DMRT1: variants seen among roughly 807,000 people sequenced by gnomAD.
The protein encoded by DMRT1 is doublesex- and mab-3-related transcription factor 1.
A neutral mutation model predicts 32.3 loss-of-function variants in DMRT1; 7 were observed. That is an observed-to-expected ratio of 0.22 (90% CI 0.12 to 0.41). The LOEUF (loss-of-function observed/expected upper bound fraction) is 0.41, where lower values mean the gene tolerates loss of function less well. DMRT1 is among the 10% of genes least tolerant of loss of function. The probability of loss-of-function intolerance (pLI) is 1.00; values close to 1 mark genes in which losing one functional copy is unlikely to be tolerated. For missense variants in DMRT1, 625 were observed against 500.5 expected, an observed-to-expected ratio of 1.25 and a Z score of -2.37; for synonymous variants, 278 against 206.1, an observed-to-expected ratio of 1.35 and a Z score of -2.99.
At chr9:844,714 TC>T (rs1838827235) in intron 1 of DMRT1, among the ~76,000 whole-genome samples, 1 of 143,666 alleles carries the variant, frequency 7.0e-6, no homozygotes, top group Non-Finnish European at 1.5e-5. Context: ...TTTCTTTCTT[TC>T]TTTCTTTTTT....
intron 2 of DMRT1, among the ~76,000 whole-genome samples, chr9:869,978 C>T (rs964492710): frequency 6.6e-6 from 1 of 152,158 alleles, no homozygotes; most frequent in Non-Finnish European, 1.5e-5. Flanking sequence ...TGTAAAAATA[C>T]GGCCCTGGAG....
intron 2 of DMRT1, among the ~76,000 whole-genome samples, chr9:856,388 C>G (rs1268617456): frequency 2.0e-5 from 3 of 152,082 alleles, no homozygotes; most frequent in Non-Finnish European, 2.9e-5. Flanking sequence ...TTCAGTCACT[C>G]CCCATGTACT....
intron 3 of DMRT1, among the ~76,000 whole-genome samples, chr9:914,222 G>C (rs1039772982): frequency 1.5e-4 from 23 of 152,118 alleles, no homozygotes; most frequent in African/African-American, 4.8e-4. Context: ...ATTAGGGGTA[G>C]CCAGTTTTTC....
At chr9:966,600 G>C (rs1300121625) in intron 4 of DMRT1, among the ~76,000 whole-genome samples, 2 of 152,094 alleles carry the variant, frequency 1.3e-5, no homozygotes, top group African/African-American at 2.4e-5. Context: ...TGGAAGAAGG[G>C]GGCCTTCTGA....
chr9:854,783 T>TTTTG (rs71327347), intron 2 of DMRT1, among the ~76,000 whole-genome samples: 1 of 134,676 alleles, frequency 7.4e-6, no homozygotes, highest in African/African-American at 2.8e-5. Flanking sequence ...TTTTTTTTTT[T>TTTTG]GAAACAGAGT....
At chr9:883,766 T>C (rs1816822774) in intron 2 of DMRT1, among the ~76,000 whole-genome samples, 1 of 149,822 alleles carries the variant, frequency 6.7e-6, no homozygotes, top group East Asian at 2.0e-4. Flanking sequence ...CACTTCAGCC[T>C]GGGCGGAGCA....
intron 4 of DMRT1, among the ~76,000 whole-genome samples, chr9:957,674 A>G (rs1263374409): frequency 6.6e-6 from 1 of 152,164 alleles, no homozygotes; most frequent in Non-Finnish European, 1.5e-5. Flanking sequence ...TAGATGTTCT[A>G]TTTAGATGTG....
At chr9:869,514 T>C (rs1417068405) in intron 2 of DMRT1, among the ~76,000 whole-genome samples, 1 of 152,212 alleles carries the variant, frequency 6.6e-6, no homozygotes, top group African/African-American at 2.4e-5. Context: ...AGTGAATTCT[T>C]CTCTAAAGTA....
At chr9:858,311 TA>T (rs909858790) in intron 2 of DMRT1, among the ~76,000 whole-genome samples, 60 of 152,214 alleles carry the variant, frequency 3.9e-4, no homozygotes, top group Middle Eastern at 6.8e-3. Context: ...TGTGCTGCCT[TA>T]CGCTTGCTGC....
intron 2 of DMRT1, among the ~76,000 whole-genome samples, chr9:893,411 CT>C (rs1442740559): frequency 6.6e-6 from 1 of 152,236 alleles, no homozygotes; most frequent in Non-Finnish European, 1.5e-5. Flanking sequence ...AAGTTTGCCC[CT>C]GGTCCGCACC....
At chr9:896,674 A>G (rs111333201) in intron 3 of DMRT1, among the ~76,000 whole-genome samples, 3 of 151,818 alleles carry the variant, frequency 2.0e-5, no homozygotes, top group African/African-American at 4.8e-5. Flanking sequence ...TTAACTGGGC[A>G]TGGTGGCGCA....
At chr9:918,458 G>A (rs1423468687) in intron 4 of DMRT1, among the ~76,000 whole-genome samples, 1 of 152,182 alleles carries the variant, frequency 6.6e-6, no homozygotes, top group Non-Finnish European at 1.5e-5. Context: ...ATTTGGAGAG[G>A]AGCGGTAGGC....
intron 4 of DMRT1, among the ~76,000 whole-genome samples, chr9:924,963 G>C (rs1413873775): frequency 6.6e-6 from 1 of 152,164 alleles, no homozygotes; most frequent in Non-Finnish European, 1.5e-5. Flanking sequence ...AGAGCTGTCG[G>C]GCTCCTAACG....
intron 3 of DMRT1, among the ~76,000 whole-genome samples, chr9:916,016 A>G (rs1469720767): frequency 2.6e-5 from 4 of 152,198 alleles, no homozygotes; most frequent in Admixed American, 2.6e-4. Context: ...TACAGACGTG[A>G]GCCACTGCGT....
At chr9:948,345 C>G (rs1430002599) in intron 4 of DMRT1, among the ~76,000 whole-genome samples, 1 of 152,176 alleles carries the variant, frequency 6.6e-6, no homozygotes, top group South Asian at 2.1e-4. Context: ...ATTATTTGGC[C>G]CATTTTTTCT....
intron 2 of DMRT1, among the ~76,000 whole-genome samples, chr9:883,762 A>T (rs1418317103): frequency 6.6e-6 from 1 of 151,590 alleles, no homozygotes; most frequent in Non-Finnish European, 1.5e-5. Context: ...ACTGCACTTC[A>T]GCCTGGGCGG....
intron 1 of DMRT1, among the ~76,000 whole-genome samples, chr9:844,122 T>A (rs1838804446): frequency 6.6e-6 from 1 of 152,210 alleles, no homozygotes; most frequent in Non-Finnish European, 1.5e-5. Flanking sequence ...GTAGAGGAAT[T>A]AATTTTGAAT....
At chr9:878,005 T>G (rs1265504820) in intron 2 of DMRT1, among the ~76,000 whole-genome samples, 4 of 152,178 alleles carry the variant, frequency 2.6e-5, no homozygotes. Context: ...AGCAGGTTGC[T>G]AAAACATCCA....
chr9:964,040 A>G (rs1387984625), intron 4 of DMRT1, among the ~76,000 whole-genome samples: 1 of 152,242 alleles, frequency 6.6e-6, no homozygotes, highest in Non-Finnish European at 1.5e-5. Context: ...TTTAACATAT[A>G]GAGGAAGGAA....
Sources: gnomAD v4.1 joint callset for allele counts (sites outside exome capture counted in the v4.1 genomes callset) on GRCh38, gnomAD v4.1.1 for gene constraint, MANE v1.5 for transcripts, NCBI Gene and HGNC (gene_info 2026-07-23, HGNC 2026-07-21) for gene names.